Variants in ZBBX observed in about 807,000 individuals in gnomAD.
The protein encoded by ZBBX is zinc finger B-box domain-containing protein 1.
A neutral mutation model predicts 108.5 loss-of-function variants in ZBBX; 101 were observed. The ratio of observed to expected loss-of-function variants is 0.93; its 90% CI spans 0.79 to 1.10. The LOEUF (loss-of-function observed/expected upper bound fraction) is 1.10, where lower values mean the gene tolerates loss of function less well. ZBBX is among the 50% of genes least tolerant of loss of function. The pLI, the probability that ZBBX is intolerant of heterozygous loss-of-function variation, is 0.00. For synonymous variants in ZBBX, 356 were observed against 323.4 expected, an observed-to-expected ratio of 1.10 and a Z score of -1.08; for missense variants, 1,009 against 941.4, an observed-to-expected ratio of 1.07 and a Z score of -0.94.
intron 6 of ZBBX, among the ~76,000 whole-genome samples, chr3:167,364,998 C>A (rs1745113406): frequency 6.6e-6 from 1 of 151,704 alleles, no homozygotes; most frequent in African/African-American, 2.4e-5. Context: ...TTTTCCTACC[C>A]TTTTAATTCA....
rs1327340862 is a variant in ZBBX, at chr3:167,271,923, T to C, written c.2254+10315A>G. Reference sequence around the variant, plus strand: ...ACTAATTGAAAATACAGTGCCTAGATTGGGACTAACAGAGAACACTGACTC... The same window carrying C: ...ACTAATTGAAAATACAGTGCCTAGACTGGGACTAACAGAGAACACTGACTC... On this transcript the variant is annotated intron_variant, in intron 20 of 21. Coordinates refer to ENST00000675490, the MANE Select transcript of ZBBX (RefSeq NM_001199201.2). Among the ~76,000 whole-genome samples, 6 of 152,188 alleles carry C rather than the reference T, an allele frequency of 3.9e-5. No individual in the cohort carries two copies. The East Asian group carries it at 1.2e-3, about 29-fold the overall frequency.
chr3:167,179,772 C>T, the ZBBX span, among the ~76,000 whole-genome samples: 2 of 152,214 alleles, frequency 1.3e-5, no homozygotes. Flanking sequence ...TCTGTGAAGA[C>T]ATTTTCAGCA....
At position 167,319,544 on chromosome 3, in the gene ZBBX, A is replaced by G. The variant is rs1326280672; in HGVS notation, c.984-1947T>C. ...GAGGATATGGGCTGAACCCAATGAA[A>G]GTCATACCAACCTTAAAGGAGGTAA... On this transcript the variant is annotated intron_variant, in intron 12 of 21. Coordinates refer to ENST00000675490, the MANE Select transcript of ZBBX (RefSeq NM_001199201.2). Among the ~76,000 whole-genome samples the G allele has an allele frequency of 2.0e-5, 3 of 152,174 alleles. No individual in the cohort carries two copies. In the South Asian group the frequency reaches 6.2e-4, roughly 32 times the overall value.
chr3:167,335,026 C>G (rs1391451526), intron 9 of ZBBX, among the ~76,000 whole-genome samples: 3 of 152,106 alleles, frequency 2.0e-5, no homozygotes, highest in Non-Finnish European at 2.9e-5. Flanking sequence ...CGCCATTACT[C>G]CAACAAGTCT....
At chr3:167,223,851 G>T in the ZBBX span, among the ~76,000 whole-genome samples, 4 of 151,770 alleles carry the variant, frequency 2.6e-5, no homozygotes, top group South Asian at 4.1e-4. Context: ...TGTCCTTATT[G>T]CTCCACATAT....
downstream of ZBBX, among the ~76,000 whole-genome samples, chr3:167,237,187 G>C (rs559954805): frequency 3.0e-4 from 45 of 151,326 alleles, 1 homozygote; most frequent in Non-Finnish European, 6.1e-4. Context: ...GATCTTAAAG[G>C]TAACAGATAC....
the ZBBX span, among the ~76,000 whole-genome samples, chr3:167,184,548 A>G: frequency 1.3e-5 from 2 of 152,066 alleles, no homozygotes; most frequent in Non-Finnish European, 2.9e-5. Context: ...ATAAAAACCT[A>G]TATATAATGG....
At chr3:167,241,278 T>C (rs757274155) in intron 21 of ZBBX, among the ~76,000 whole-genome samples, 1 of 152,180 alleles carries the variant, frequency 6.6e-6, no homozygotes, top group Non-Finnish European at 1.5e-5. Context: ...AGAATCCCAG[T>C]GAATAGACTG....
intron 8 of ZBBX, among the ~76,000 whole-genome samples, chr3:167,356,806 T>A (rs1022460241): frequency 6.6e-6 from 1 of 152,092 alleles, no homozygotes; most frequent in African/African-American, 2.4e-5. Context: ...AATAAACATA[T>A]AATCAATGAT....
At chr3:167,225,802 G>A in the ZBBX span, among the ~76,000 whole-genome samples, 2 of 151,752 alleles carry the variant, frequency 1.3e-5, no homozygotes, top group African/African-American at 4.8e-5. Flanking sequence ...TGATGGTTGA[G>A]GATCCAGAGA....
intron 1 of ZBBX, among the ~76,000 whole-genome samples, chr3:167,396,900 T>G (rs1748251140): frequency 6.6e-6 from 1 of 151,792 alleles, no homozygotes; most frequent in South Asian, 2.1e-4. Flanking sequence ...GCTATGTTTT[T>G]CCTTTTCACA....
chr3:167,323,239 G>GGC (rs1553815513), intron 11 of ZBBX, among the ~76,000 whole-genome samples: 1 of 20,348 alleles, frequency 4.9e-5, no homozygotes, highest in Admixed American at 6.4e-4. Flanking sequence ...AGCTAAAAGA[G>GGC]GGGGGGGGGG....
At chr3:167,182,991 C>T in the ZBBX span, among the ~76,000 whole-genome samples, 5 of 152,220 alleles carry the variant, frequency 3.3e-5, no homozygotes, top group South Asian at 6.2e-4. Flanking sequence ...TGAGAGTGGT[C>T]GCTCTAGGCG....
intron 18 of ZBBX, 144 bp downstream of exon 18, chr3:167,298,161 C>T: frequency 3.6e-6 from 2 of 550,940 alleles, no homozygotes; most frequent in Admixed American, 4.1e-5. Flanking sequence ...TGATAGTAAC[C>T]TTAAATGTAA....
At chr3:167,347,564 A>G (rs1741693068) in intron 9 of ZBBX, among the ~76,000 whole-genome samples, 1 of 152,066 alleles carries the variant, frequency 6.6e-6, no homozygotes, top group African/African-American at 2.4e-5. Flanking sequence ...TTTTTGTTTT[A>G]TGAATAAAGG....
chr3:167,219,683 G>A, the ZBBX span, among the ~76,000 whole-genome samples: 12 of 151,604 alleles, frequency 7.9e-5, no homozygotes, highest in African/African-American at 1.4e-4. Context: ...TAAAAACAAC[G>A]TAATGATGCA....
At chr3:167,394,628 G>A (rs1015742303) in intron 1 of ZBBX, among the ~76,000 whole-genome samples, 7 of 151,624 alleles carry the variant, frequency 4.6e-5, no homozygotes, top group Non-Finnish European at 4.4e-5. Flanking sequence ...AAGGTTACAC[G>A]GCCCAAAGAA....
chr3:167,340,940 T>C (rs1740429330), intron 9 of ZBBX, among the ~76,000 whole-genome samples: 1 of 151,922 alleles, frequency 6.6e-6, no homozygotes, highest in Non-Finnish European at 1.5e-5. Context: ...TCATCATATT[T>C]CTAAAAACAG....
chr3:167,363,216 C>T (rs1744803479), intron 6 of ZBBX, among the ~76,000 whole-genome samples: 1 of 152,044 alleles, frequency 6.6e-6, no homozygotes, highest in African/African-American at 2.4e-5. Flanking sequence ...CAAATCCATG[C>T]TGATCAGCCT....
Sources: gnomAD v4.1 joint callset for allele counts (sites outside exome capture counted in the v4.1 genomes callset) on GRCh38, gnomAD v4.1.1 for gene constraint, MANE v1.5 for transcripts, NCBI Gene and HGNC (gene_info 2026-07-23, HGNC 2026-07-21) for gene names.